The following SRSF3 variants were observed in gnomAD, a reference collection of about 807,000 sequenced individuals.
SRSF3 encodes serine and arginine rich splicing factor 3, also known as serine/arginine-rich splicing factor 3.
For missense variants in SRSF3, 58 were observed against 217.1 expected, an observed-to-expected ratio of 0.27 and a Z score of 4.61; for synonymous variants, 87 against 73.6, an observed-to-expected ratio of 1.18 and a Z score of -0.93.
At position 36,602,302 on chromosome 6, in the gene SRSF3, GTGTT is replaced by G; in HGVS notation, c.*315_*318del. 2.9e-6 allele frequency: 1 copy of G among 341,358 alleles called. No homozygotes were observed. Among genetic ancestry groups the G allele is most frequent in the Non-Finnish European group, 5.1e-6 (1 of 195,040 alleles). The allele number at this position is 341,358 out of a possible 1,614,324, so 21.1% of individuals were successfully genotyped here. ...ACCTCTAAACCTGCCCAGCGGAAGT[GTGTT>G]TTTTTTTAAATTTAAATACAGAAAC... is the stretch of plus-strand genomic sequence containing the variant. On this transcript the variant is annotated 3_prime_UTR_variant, in exon 6 of 6. Transcript: ENST00000373715.
intron 3 of SRSF3, chr6:36,599,738 A>C: frequency 9.5e-7 from 1 of 1,055,532 alleles, no homozygotes; most frequent in Non-Finnish European, 1.3e-6. Flanking sequence ...TTGTTAGCTA[A>C]TAGATGGTTG....
At chr6:36,597,097 C>CTTTTTT (rs35760494) in intron 2 of SRSF3, 129 bp downstream of exon 2, 19 of 363,020 alleles carry the variant, frequency 5.2e-5, no homozygotes, top group African/African-American at 5.2e-4. Context: ...CAATTGGGAT[C>CTTTTTT]TTTTTTTTTT....
At chr6:36,595,692 T>G (rs537365148) in intron 1 of SRSF3, among the ~76,000 whole-genome samples, 21 of 152,398 alleles carry the variant, frequency 1.4e-4, no homozygotes, top group African/African-American at 4.8e-4. Context: ...ACTCATTTTA[T>G]GTCTATACCA....
intron 5 of SRSF3, 22 bp from the exon 6 acceptor site, chr6:36,601,936 TTTTC>T (rs753953698): frequency 2.4e-5 from 37 of 1,569,542 alleles, no homozygotes; most frequent in East Asian, 6.8e-5. Flanking sequence ...TAATGTTTTG[TTTTC>T]TTTTTTTTTT....
intron 3 of SRSF3, chr6:36,600,120 T>C: frequency 9.2e-7 from 1 of 1,083,404 alleles, no homozygotes; most frequent in South Asian, 2.5e-5. Flanking sequence ...AGCAGCAGCC[T>C]TCGGCTAACA....
intron 4 of SRSF3, 78 bp from the exon 5 acceptor site, chr6:36,601,630 C>A: frequency 7.5e-7 from 1 of 1,324,832 alleles, no homozygotes; most frequent in South Asian, 1.3e-5. Flanking sequence ...TGGCATGAGT[C>A]ACCATGCCAG....
chr6:36,599,079 T>G lies in SRSF3; in HGVS notation c.341+96T>G, dbSNP rs1467777118. ...AAGTTTGTTGGTGGGTTTTAAACTT[T>G]GGAAGAATCGGAGGTTTCTGTGAAA... On this transcript the variant is annotated intron_variant, in intron 3 of 5. Coordinates refer to ENST00000373715, the MANE Select transcript of SRSF3 (RefSeq NM_003017.5). 7 of 1,458,382 alleles carry G rather than the reference T, an allele frequency of 4.8e-6. No homozygotes were observed. The Middle Eastern group carries it at 9.0e-4, about 186-fold the overall frequency. 90.3% of individuals were successfully genotyped at this position (1,458,382 alleles called of 1,614,324 possible).
At chr6:36,601,926 T>G in intron 5 of SRSF3, 36 bp from the exon 6 acceptor site, 1 of 1,578,366 alleles carries the variant, frequency 6.3e-7, no homozygotes, top group Admixed American at 2.0e-5. Flanking sequence ...GTTACAGATG[T>G]AATGTTTTGT....
chr6:36,602,072 G>A lies in SRSF3; in HGVS notation c.*83G>A. 1 of 1,550,984 alleles carries A rather than the reference G, an allele frequency of 6.4e-7. No homozygotes were observed. Among genetic ancestry groups the A allele is most frequent in the Non-Finnish European group, 8.6e-7 (1 of 1,157,046 alleles). On this transcript the variant is annotated 3_prime_UTR_variant, in exon 6 of 6. Transcript: ENST00000373715. ...TACAGAAAATTCAAGTTTTGTTTGA[G>A]ACTTCATAAGCTTGGTGCATTTTTA...
Position 36,598,817 on chromosome 6 carries a change from C to A in SRSF3, c.207-32C>A, listed in dbSNP as rs1778673336. 2.5e-6 allele frequency: 4 copies of A among 1,604,678 alleles called. No individual in the cohort carries two copies. In the South Asian group the frequency reaches 4.4e-5, roughly 18 times the overall value. ...TTAATACGCATGTCAGAAAGTCAGG[C>A]TGTTTTAAGTTTAATATCTTTGCCC... On this transcript the variant is annotated intron_variant, in intron 2 of 5. Coordinates refer to ENST00000373715, the MANE Select transcript of SRSF3 (RefSeq NM_003017.5).
In SRSF3 at chr6:36,603,670, C is replaced by G. The variant is rs980500324; in HGVS notation, c.*1681C>G. On this transcript the variant is annotated 3_prime_UTR_variant, in exon 6 of 6. Coordinates refer to ENST00000373715, the MANE Select transcript of SRSF3 (RefSeq NM_003017.5). The stretch of plus-strand genomic sequence containing the variant: ...TTCAAGAAAGACACTTTTCAGACAG[C>G]CTGTTTATTTACTGAGAGCTCTGGC... 4.3e-6 allele frequency: 1 copy of G among 230,410 alleles called. No individual in the cohort carries two copies. Among genetic ancestry groups the G allele is most frequent in the East Asian group, 6.2e-5 (1 of 16,108 alleles). 14.3% of individuals were successfully genotyped at this position (230,410 alleles called of 1,614,324 possible).
chr6:36,601,039 C>A, intron 3 of SRSF3, 113 bp from the exon 4 acceptor site: 1 of 259,680 alleles, frequency 3.9e-6, no homozygotes, highest in Non-Finnish European at 6.5e-6. Context: ...ACGATGGGTG[C>A]CAGTTCTTCG....
chr6:36,599,649 A>C (rs758446340), intron 3 of SRSF3: 1 of 443,444 alleles, frequency 2.3e-6, no homozygotes, highest in Non-Finnish European at 4.2e-6. Flanking sequence ...TCCTTCTAGG[A>C]GACAGGAGTT....
At chr6:36,600,375 A>AT (rs1200221233) in intron 3 of SRSF3, 1 of 731,032 alleles carries the variant, frequency 1.4e-6, no homozygotes, top group East Asian at 1.2e-4. Flanking sequence ...GCTGTGCATA[A>AT]TTGAATGGTA....
At position 36,604,307 on chromosome 6, in the gene SRSF3, G is replaced by A. The variant is rs2127507593; in HGVS notation, c.*2318G>A. 4.8e-6 allele frequency: 1 copy of A among 209,898 alleles called. No homozygotes were observed. Among genetic ancestry groups the A allele is most frequent in the South Asian group, 1.9e-4 (1 of 5,314 alleles). 13.0% of individuals were successfully genotyped at this position (209,898 alleles called of 1,614,324 possible). ...GAAACATTAAGGATTATATTTGATTGTTTTCAAAGACACTGGCTGGATGTG... is the reference window on the plus strand; with the variant it reads ...GAAACATTAAGGATTATATTTGATTATTTTCAAAGACACTGGCTGGATGTG... On this transcript the variant is annotated 3_prime_UTR_variant, in exon 6 of 6. Coordinates refer to ENST00000373715, the MANE Select transcript of SRSF3 (RefSeq NM_003017.5).
At position 36,596,720 on chromosome 6, in the gene SRSF3, A is replaced by G. The variant is rs1156679293; in HGVS notation, c.-2-41A>G. 11 of 1,556,458 alleles carry G rather than the reference A, an allele frequency of 7.1e-6. No homozygotes were observed. In the Admixed American group the frequency reaches 8.3e-5, roughly 12 times the overall value. ...TAAGGATCTGTGGTTTTAACTGTAG[A>G]TGTTTAGATGAATGAATATTTTTGG... On this transcript the variant is annotated intron_variant, in intron 1 of 5. Coordinates refer to ENST00000373715, the MANE Select transcript of SRSF3 (RefSeq NM_003017.5).
chr6:36,601,542 C>T lies in SRSF3; in HGVS notation c.381-166C>T, dbSNP rs1778716565. The T allele has an allele frequency of 4.5e-6, 3 of 661,918 alleles. 1 individual carries two copies. In the South Asian group the frequency reaches 6.4e-5, roughly 14 times the overall value. The allele number at this position is 661,918 out of a possible 1,614,324, so 41.0% of individuals were successfully genotyped here. On this transcript the variant is annotated intron_variant, in intron 4 of 5. Transcript: ENST00000373715. ...TATTTTTTGTGGAGATGGGATCTCACTTTGTTGTCCAATCTGTTCTCAAAC... is the reference window on the plus strand; with the variant it reads ...TATTTTTTGTGGAGATGGGATCTCATTTTGTTGTCCAATCTGTTCTCAAAC...
chr6:36,601,786 G>A lies in SRSF3; in HGVS notation c.459G>A (p.Arg153=). ...ACAAGCCGTCCCGATCCTTCTCTAGGTCTCGTAGGTAAGATCTTTGATAAC... is the reference window on the plus strand; with the variant it reads ...ACAAGCCGTCCCGATCCTTCTCTAGATCTCGTAGGTAAGATCTTTGATAAC... The part of the protein sequence containing the change: ...RNHKPSRSFS[R]SRSRSRSNER... Residue 153 remains arginine, a synonymous_variant, in exon 5 of 6, where the codon AGG becomes AGA. Coordinates refer to ENST00000373715, the MANE Select transcript of SRSF3 (RefSeq NM_003017.5). 6.2e-7 allele frequency: 1 copy of A among 1,608,428 alleles called. No individual in the cohort carries two copies. Among genetic ancestry groups the A allele is most frequent in the East Asian group, 2.2e-5 (1 of 44,720 alleles).
chr6:36,601,601 C>G, intron 4 of SRSF3, 107 bp from the exon 5 acceptor site: 1 of 1,105,744 alleles, frequency 9.0e-7, no homozygotes, highest in South Asian at 1.5e-5. Flanking sequence ...GCCTCTGCCT[C>G]CCAAAATATT....
Sources: allele counts gnomAD v4.1 joint callset (sites outside exome capture counted in the v4.1 genomes callset), GRCh38; gene constraint gnomAD v4.1.1; transcripts MANE v1.5; gene names NCBI Gene and HGNC (gene_info 2026-07-23, HGNC 2026-07-21).